The following GIT2 variants were observed in gnomAD, a reference collection of about 807,000 sequenced individuals.
GIT2 encodes GIT ArfGAP 2.
In GIT2, 32 loss-of-function variants were observed where a neutral mutation model predicts 100.3. The ratio of observed to expected loss-of-function variants is 0.32; its 90% confidence interval spans 0.24 to 0.43. GIT2 has a LOEUF of 0.43. Ranked by LOEUF, GIT2 falls within the 20% of genes least tolerant of loss-of-function variation. The pLI is 1.00. For missense variants in GIT2, 737 were observed against 975.1 expected (o/e 0.76, Z 3.25); for synonymous variants, 353 against 364.1 (o/e 0.97, Z 0.35).
At position 109,939,149 on chromosome 12, in the gene GIT2, C is replaced by T. The variant is rs776646797; in HGVS notation, c.1814+16G>A. 1.4e-5 allele frequency: 22 copies of T among 1,556,418 alleles called. No individual in the cohort carries two copies. Among genetic ancestry groups the T allele is most frequent in the Admixed American group, 1.7e-5 (1 of 59,894 alleles). ...TGGGGAGCCCCTCCCCTGGCACGCT[C>T]GTCCTGTGCATGTACCCCATGCCAT... On this transcript the variant is annotated intron_variant, in intron 17 of 19. Coordinates refer to ENST00000355312, the MANE Select transcript of GIT2 (RefSeq NM_057169.5).
At chr12:109,979,515 C>T (rs746801543) in intron 7 of GIT2, among the ~76,000 whole-genome samples, 17 of 152,092 alleles carry the variant, frequency 1.1e-4, no homozygotes, top group African/African-American at 2.4e-4. Context: ...CCTCATGATC[C>T]GCCCACCTCA....
chr12:109,970,119 C>T (rs1255512329), intron 7 of GIT2, among the ~76,000 whole-genome samples: 1 of 152,096 alleles, frequency 6.6e-6, no homozygotes, highest in Non-Finnish European at 1.5e-5. Context: ...ATGATCCTTT[C>T]TAGTTTCGGG....
intron 9 of GIT2, among the ~76,000 whole-genome samples, chr12:109,961,919 A>T (rs903588034): frequency 2.0e-5 from 3 of 152,204 alleles, no homozygotes; most frequent in Admixed American, 2.0e-4. Flanking sequence ...GCTGCTATTA[A>T]GGAGCTAAGA....
chr12:109,957,609 C>G (rs2136344728), intron 12 of GIT2, among the ~76,000 whole-genome samples: 1 of 151,634 alleles, frequency 6.6e-6, no homozygotes, highest in Non-Finnish European at 1.5e-5. Flanking sequence ...CGGGTTCACG[C>G]CATTCTCCTG....
rs1039857305 is a variant in GIT2 at position 109,950,533 on chromosome 12, A to G, written c.1392+634T>C. On this transcript the variant is annotated intron_variant, in intron 14 of 19. Transcript: ENST00000355312. The stretch of plus-strand genomic sequence containing the variant: ...ACCATCAACCACACTCCTTTTAGGG[A>G]TTAATATATTCACACGGTTCTGATT... Among the ~76,000 whole-genome samples, 8 of 152,206 alleles carry G rather than the reference A, an allele frequency of 5.3e-5. No homozygotes were observed. In the East Asian group the frequency reaches 1.5e-3, roughly 29 times the overall value.
chr12:109,986,503 G>A (rs747677038), intron 4 of GIT2, among the ~76,000 whole-genome samples: 1 of 152,156 alleles, frequency 6.6e-6, no homozygotes, highest in African/African-American at 2.4e-5. Flanking sequence ...GGTGGCTTAC[G>A]CCTGTAATCC....
In GIT2 at chr12:109,934,844, A is replaced by G. The variant is rs59278403; in HGVS notation, c.2004-759T>C. Among the ~76,000 whole-genome samples the G allele has an allele frequency of 0.19, 28,631 of 152,144 alleles. 4,965 individuals carry two copies. Among genetic ancestry groups the G allele is most frequent in the African/African-American group, 0.47 (19,365 of 41,462 alleles). On this transcript the variant is annotated intron_variant, in intron 18 of 19. Coordinates refer to ENST00000355312, the MANE Select transcript of GIT2 (RefSeq NM_057169.5). The surrounding 1 kb of genome is among the most constrained non-coding windows in gnomAD (Gnocchi z 4.5). ...TAATCCCAGCACTTTGGGAGGCCAA[A>G]GCGGGCGGATCACCTGAGGTCAGGA...
chr12:109,947,738 A>G lies in GIT2; in HGVS notation c.1393-234T>C. On this transcript the variant is annotated intron_variant, in intron 14 of 19. Transcript: ENST00000355312. This position sits in a 1 kb window ranked among gnomAD's most constrained non-coding sequence, Gnocchi z 4.3. Reference sequence around the variant, plus strand: ...ATAGCTTCATTTCTGAATGTGGAAAAGTTGTGGTTTGGACTTCCTCAAAAC... The same window carrying G: ...ATAGCTTCATTTCTGAATGTGGAAAGGTTGTGGTTTGGACTTCCTCAAAAC... 3.9e-6 allele frequency: 2 copies of G among 508,234 alleles called. 1 individual carries two copies. The highest frequency in any genetic ancestry group is 4.9e-5 in the South Asian group (2 of 40,406). The allele number at this position is 508,234 out of a possible 1,614,324, so 31.5% of individuals were successfully genotyped here.
rs959833768 is a variant in GIT2 at position 109,962,266 on chromosome 12, T to C, written c.817-581A>G. 6.6e-6 allele frequency among the ~76,000 whole-genome samples: 1 copy of C among 152,032 alleles called. No homozygotes were observed. Among genetic ancestry groups the C allele is most frequent in the Non-Finnish European group, 1.5e-5 (1 of 68,008 alleles). On this transcript the variant is annotated intron_variant, in intron 9 of 19. Coordinates refer to ENST00000355312, the MANE Select transcript of GIT2 (RefSeq NM_057169.5). This position sits in a 1 kb window ranked among gnomAD's most constrained non-coding sequence, Gnocchi z 4.3. ...TACTCAGGAGGCTGAGGCAGGAGGA[T>C]CACTTCAGCCCAGGATATCAAGGCT...
In GIT2 at chr12:109,983,488, G is replaced by C; in HGVS notation, c.508C>G (p.Pro170Ala). ...NFFHPEKGNT[P>A]LHVASKAGQI... is the part of the protein sequence containing the mutation. ...CCTGCTTTGGAGGCAACATGGAGTG[G>C]GGTGTTTCCTTTTTCCTAAGAATCA... Residue 170 changes from proline (P) to alanine (A), a missense_variant, in exon 6 of 20, where the codon CCA becomes GCA. Physicochemically the swap from Pro to Ala is conservative, Grantham distance 27. This residue lies in a region of GIT2 where 266 missense variants were observed against 376.2 expected (regional missense o/e 0.71). Transcript: ENST00000355312. The C allele has an allele frequency of 6.2e-7, 1 of 1,613,632 alleles. No individual in the cohort carries two copies. The highest frequency in any genetic ancestry group is 8.5e-7 in the Non-Finnish European group (1 of 1,179,610).
At chr12:109,974,976 G>T (rs1280860505) in intron 7 of GIT2, among the ~76,000 whole-genome samples, 1 of 152,096 alleles carries the variant, frequency 6.6e-6, no homozygotes, top group African/African-American at 2.4e-5. Flanking sequence ...GAACTATTAT[G>T]CCTTCTTGAT....
chr12:109,952,635 C>G (rs1034792274), intron 13 of GIT2: 2 of 519,880 alleles, frequency 3.8e-6, no homozygotes, highest in Non-Finnish European at 7.7e-6. Flanking sequence ...CCCAAGCGTC[C>G]CTTGAGGCGC....
At chr12:109,982,871 TC>T (rs1886608315) in intron 6 of GIT2, 2 of 152,108 alleles carry the variant, frequency 1.3e-5, no homozygotes, top group African/African-American at 4.8e-5. Context: ...ATCTCGAACT[TC>T]TGGCCTCAAG....
chr12:109,980,758 G>A (rs1886160560), intron 7 of GIT2, 194 bp downstream of exon 7: 2 of 572,326 alleles, frequency 3.5e-6, no homozygotes, highest in African/African-American at 3.7e-5. Context: ...AAAAATCTAA[G>A]GAGTTTTGTC....
chr12:109,997,464 A>T (rs1889609156), upstream of GIT2: 1 of 152,216 alleles, frequency 6.6e-6, no homozygotes, highest in Non-Finnish European at 1.5e-5. Flanking sequence ...TCATGTTCAA[A>T]ATTAAGATAA....
At chr12:109,941,243 G>A (rs555537398) in intron 16 of GIT2, among the ~76,000 whole-genome samples, 5 of 152,308 alleles carry the variant, frequency 3.3e-5, no homozygotes, top group Non-Finnish European at 5.9e-5. Flanking sequence ...ATGATTAAAC[G>A]TTAGCTTGGA....
chr12:109,970,267 G>C (rs963760565), intron 7 of GIT2, among the ~76,000 whole-genome samples: 1 of 152,112 alleles, frequency 6.6e-6, no homozygotes, highest in Non-Finnish European at 1.5e-5. Flanking sequence ...GCCGATGCGG[G>C]CAGTTCACGA....
In GIT2 at chr12:109,945,283, AC is replaced by A; in HGVS notation, c.1707del (p.Trp569CysfsTer90). 3 of 1,575,236 alleles carry A rather than the reference AC, an allele frequency of 1.9e-6. No individual in the cohort carries two copies. Among genetic ancestry groups the A allele is most frequent in the Non-Finnish European group, 2.6e-6 (3 of 1,144,758 alleles). On this transcript the variant is annotated frameshift_variant, in exon 16 of 20. Transcript: ENST00000355312. LOFTEE classifies it high-confidence loss of function. Reference sequence around the variant, plus strand: ...ACCCTTCGGGCGCTTTCGTCCCTCGACCAGGAAAGTGTGGAGGGGAAGGAAG... The same window carrying A: ...ACCCTTCGGGCGCTTTCGTCCCTCGACAGGAAAGTGTGGAGGGGAAGGAAG... ...SLPSFPSTLS[W>X]SRDESARRAS... is the part of the protein sequence containing the mutation.
At chr12:109,971,451 G>A (rs773485070) in intron 7 of GIT2, among the ~76,000 whole-genome samples, 8 of 151,626 alleles carry the variant, frequency 5.3e-5, no homozygotes, top group South Asian at 2.1e-4. Context: ...TCAGCCTCCC[G>A]AATAGCTGGG....
Sources: gnomAD v4.1 joint callset for allele counts (sites outside exome capture counted in the v4.1 genomes callset) on GRCh38, gnomAD v4.1.1 for gene constraint, gnomAD v4.1.1 regional missense constraint, Gnocchi (gnomAD v3.1) non-coding constraint, MANE v1.5 for transcripts, NCBI Gene and HGNC (gene_info 2026-07-23, HGNC 2026-07-21) for gene names.